MEF2C: variants seen among roughly 807,000 people sequenced by gnomAD.
MEF2C encodes the protein myocyte enhancer factor 2C.
In MEF2C, 6 loss-of-function variants were observed where a neutral mutation model predicts 50.5. The observed-to-expected ratio is 0.12, with a 90% CI of 0.07 to 0.23. The LOEUF (loss-of-function observed/expected upper bound fraction) is 0.23. Among genes scored for constraint, MEF2C ranks in the 10% least tolerant of loss-of-function variants. MEF2C has a pLI of 1.00. For missense variants in MEF2C, 276 were observed against 605.0 expected, an observed-to-expected ratio of 0.46 and a Z score of 5.70; for synonymous variants, 183 against 228.0, an observed-to-expected ratio of 0.80 and a Z score of 1.78.
At chr5:88,833,491 C>T (rs967951182) in intron 1 of MEF2C, among the ~76,000 whole-genome samples, 1 of 152,096 alleles carries the variant, frequency 6.6e-6, no homozygotes, top group South Asian at 2.1e-4. Flanking sequence ...CAAATCCTGC[C>T]ATTACTCAGC....
chr5:88,723,673 G>A (rs961035737), intron 10 of MEF2C, among the ~76,000 whole-genome samples: 2 of 152,210 alleles, frequency 1.3e-5, no homozygotes, highest in African/African-American at 2.4e-5. Flanking sequence ...AATACTTTGT[G>A]TTCCACAATG....
chr5:88,897,499 A>G (rs1835234384), intron 1 of MEF2C, among the ~76,000 whole-genome samples: 1 of 152,230 alleles, frequency 6.6e-6, no homozygotes, highest in Non-Finnish European at 1.5e-5. Flanking sequence ...TTCCATAATA[A>G]GCACTGTCTG....
At chr5:88,780,693 C>A (rs2152865404) in intron 3 of MEF2C, 1 of 868,982 alleles carries the variant, frequency 1.2e-6, no homozygotes, top group East Asian at 1.2e-4. Context: ...TTAACAATAT[C>A]ATCACACTAA....
At chr5:88,878,508 T>C (rs1344951297) in intron 1 of MEF2C, among the ~76,000 whole-genome samples, 1 of 152,064 alleles carries the variant, frequency 6.6e-6, no homozygotes, top group Non-Finnish European at 1.5e-5. Flanking sequence ...TGGCACCCAC[T>C]AACTTCTACC....
At chr5:88,832,146 T>C (rs1163722031) in intron 1 of MEF2C, among the ~76,000 whole-genome samples, 1 of 152,154 alleles carries the variant, frequency 6.6e-6, no homozygotes, top group African/African-American at 2.4e-5. Flanking sequence ...AGCCATTCTA[T>C]ACAGCTGCAG....
intron 6 of MEF2C, chr5:88,748,281 A>G: frequency 1.3e-6 from 1 of 761,250 alleles, no homozygotes; most frequent in South Asian, 6.0e-5. Flanking sequence ...TTTCAAACAT[A>G]ACCTTGTGTC....
At chr5:88,795,417 G>C (rs776608381) in intron 3 of MEF2C, among the ~76,000 whole-genome samples, 1 of 152,112 alleles carries the variant, frequency 6.6e-6, no homozygotes, top group African/African-American at 2.4e-5. Flanking sequence ...TTATGAATGG[G>C]AGTTCACTCA....
In MEF2C at chr5:88,765,994, T is replaced by C. The variant is rs1323613785; in HGVS notation, c.259-4666A>G. On this transcript the variant is annotated intron_variant, in intron 3 of 10. Coordinates refer to ENST00000504921, the MANE Select transcript of MEF2C (RefSeq NM_002397.5). ...AGACAGCGATTGTCATACTGTGAGC[T>C]GAGAACAGCCGTTTCCTAGAGGAGT... Among the ~76,000 whole-genome samples, 2 of 152,204 alleles carry C rather than the reference T, an allele frequency of 1.3e-5. 1 individual carries two copies. The highest frequency in any genetic ancestry group is 2.9e-5 in the Non-Finnish European group (2 of 68,038).
chr5:88,752,497 C>T (rs1218529225), intron 4 of MEF2C: 1 of 586,582 alleles, frequency 1.7e-6, no homozygotes, highest in Non-Finnish European at 2.2e-6. Context: ...AGAAAATCAT[C>T]TCCAAGCATG....
chr5:88,776,049 C>T (rs1174847629), intron 3 of MEF2C: 1 of 153,134 alleles, frequency 6.5e-6, no homozygotes, highest in African/African-American at 2.4e-5. Context: ...ATTCCTAGTC[C>T]ATTAAGAATT....
chr5:88,719,477 C>T lies in MEF2C; in HGVS notation c.*3127G>A, dbSNP rs546825368. 65 of 152,302 alleles carry T rather than the reference C, an allele frequency of 4.3e-4. 1 individual carries two copies. The highest frequency in any genetic ancestry group is 1.5e-3 in the African/African-American group (63 of 41,572). The allele number at this position is 152,302 out of a possible 1,614,324, so 9.4% of individuals were successfully genotyped here. A position where few individuals can be genotyped will look rare whatever the true frequency, so the allele number is the denominator to read the frequency against. On this transcript the variant is annotated 3_prime_UTR_variant, in exon 11 of 11. Transcript: ENST00000504921. ...TCTTTTAAAATAGGATTAGATATAA[C>T]AATACTCGCAGCCGTGTAAAATGCC...
chr5:88,805,170 T>C (rs1799872433), intron 2 of MEF2C, among the ~76,000 whole-genome samples: 1 of 152,204 alleles, frequency 6.6e-6, no homozygotes. Context: ...TTTTTGACTA[T>C]TTGAAGAGTG....
rs908359105 is a variant in MEF2C at position 88,818,896 on chromosome 5, C to T, written c.54+4839G>A. Among the ~76,000 whole-genome samples the T allele has an allele frequency of 3.3e-5, 5 of 151,938 alleles. No individual in the cohort carries two copies. In the East Asian group the frequency reaches 9.7e-4, roughly 29 times the overall value. ...ATAGAAATCACATTAACTATAATAG[C>T]TAATGGTTCAAAGAGCCTGAGTCTT... is the stretch of plus-strand genomic sequence containing the variant. On this transcript the variant is annotated intron_variant, in intron 2 of 10. Coordinates refer to ENST00000504921, the MANE Select transcript of MEF2C (RefSeq NM_002397.5).
chr5:88,847,998 A>G (rs866911192), intron 1 of MEF2C, among the ~76,000 whole-genome samples: 4 of 152,196 alleles, frequency 2.6e-5, no homozygotes, highest in Non-Finnish European at 2.9e-5. Context: ...TACATAACTA[A>G]AAAGTGGGAA....
chr5:88,826,658 G>A (rs948844386), intron 1 of MEF2C, among the ~76,000 whole-genome samples: 2 of 152,020 alleles, frequency 1.3e-5, no homozygotes, highest in East Asian at 3.9e-4. Flanking sequence ...TCAATTTGTA[G>A]GAGGCCTAGA....
In MEF2C at chr5:88,781,737, C is replaced by T. The variant is rs367589865; in HGVS notation, c.259-20409G>A. ...CTGTAATCTCAGCACTTTGGGAAGC[C>T]GAGGCAAGCGGACCACTTGAGGTCA... On this transcript the variant is annotated intron_variant, in intron 3 of 10. Coordinates refer to ENST00000504921, the MANE Select transcript of MEF2C (RefSeq NM_002397.5). Among the ~76,000 whole-genome samples, 3 of 152,134 alleles carry T rather than the reference C, an allele frequency of 2.0e-5. No homozygotes were observed. The East Asian group carries it at 5.8e-4, about 29-fold the overall frequency.
rs867529592 is a variant in MEF2C, at chr5:88,738,785, T to C, written c.638-6884A>G. On this transcript the variant is annotated intron_variant, in intron 6 of 10. Transcript: ENST00000504921. ...ACATGTTGTAAGGTCAACTTGGGCA[T>C]AGTAAATAGTAGTTCTGGTTCAGAA... 4.2e-5 allele frequency: 41 copies of C among 985,248 alleles called. No homozygotes were observed. In the Middle Eastern group the frequency reaches 2.6e-3, roughly 62 times the overall value. 61.0% of individuals were successfully genotyped at this position (985,248 alleles called of 1,614,324 possible).
chr5:88,879,074 GA>G (rs1459647309), intron 1 of MEF2C, among the ~76,000 whole-genome samples: 1 of 152,038 alleles, frequency 6.6e-6, no homozygotes, highest in East Asian at 1.9e-4. Context: ...ATAGTGCACA[GA>G]AAATTAAACA....
chr5:88,739,703 T>C, intron 6 of MEF2C: 1 of 985,310 alleles, frequency 1.0e-6, no homozygotes, highest in Non-Finnish European at 1.2e-6. Context: ...TATTCAGCTG[T>C]TGTGTATCAA....
Sources: gnomAD v4.1 joint callset for allele counts (sites outside exome capture counted in the v4.1 genomes callset) on GRCh38, gnomAD v4.1.1 for gene constraint, MANE v1.5 for transcripts, NCBI Gene and HGNC (gene_info 2026-07-23, HGNC 2026-07-21) for gene names.